The following APLP2 variants were observed in gnomAD, a reference collection of about 807,000 sequenced individuals.
The protein encoded by APLP2 is amyloid beta precursor like protein 2.
A neutral mutation model predicts 89.9 loss-of-function variants in APLP2; 53 were observed. The ratio of observed to expected loss-of-function variants is 0.59; its 90% CI spans 0.47 to 0.74. APLP2 has a LOEUF of 0.74. Ranked by LOEUF, APLP2 falls within the 30% of genes least tolerant of loss-of-function variation. APLP2 has a pLI of 0.00. For synonymous variants in APLP2, 372 were observed against 348.6 expected, an observed-to-expected ratio of 1.07 and a Z score of -0.75; for missense variants, 973 against 975.9, an observed-to-expected ratio of 1.00 and a Z score of 0.04.
intron 1 of APLP2, among the ~76,000 whole-genome samples, chr11:130,084,929 A>T (rs1482758162): frequency 1.3e-5 from 2 of 152,214 alleles, no homozygotes; most frequent in Non-Finnish European, 2.9e-5. Flanking sequence ...AGACTAAGAA[A>T]AACAGAAGAC....
intron 1 of APLP2, among the ~76,000 whole-genome samples, chr11:130,089,148 C>G (rs978153994): frequency 3.1e-4 from 47 of 152,190 alleles, no homozygotes; most frequent in Middle Eastern, 3.2e-3. Flanking sequence ...CCAATCCTTC[C>G]TTCATGTCCC....
At chr11:130,120,937 G>A (rs1949739693) in intron 4 of APLP2, 119 bp downstream of exon 4, 3 of 722,850 alleles carry the variant, frequency 4.2e-6, no homozygotes, top group East Asian at 2.7e-5. Flanking sequence ...ATCTCCTTAA[G>A]GTTTACAATT....
intron 1 of APLP2, among the ~76,000 whole-genome samples, chr11:130,072,531 AT>A (rs1471249681): frequency 2.1e-5 from 3 of 145,496 alleles, no homozygotes; most frequent in African/African-American, 7.7e-5. Context: ...CTGGAGTGCA[AT>A]GGTGGGATCT....
chr11:130,110,930 C>A (rs545679999), intron 3 of APLP2, among the ~76,000 whole-genome samples: 1 of 152,116 alleles, frequency 6.6e-6, no homozygotes, highest in Non-Finnish European at 1.5e-5. Context: ...TGCACTTACG[C>A]CCTCACATTG....
Position 130,110,680 on chromosome 11 carries a change from T to C in APLP2, c.403+19T>C. On this transcript the variant is annotated intron_variant, in intron 3 of 16. Transcript: ENST00000338167. Reference sequence around the variant, plus strand: ...TGTCTCGGTGAGTGTTCTTGGTTACTTTTCAGGAAGTGCCAGCCCCCTCCC... The same window carrying C: ...TGTCTCGGTGAGTGTTCTTGGTTACCTTTCAGGAAGTGCCAGCCCCCTCCC... 1 of 1,597,844 alleles carries C rather than the reference T, an allele frequency of 6.3e-7. No homozygotes were observed. The highest frequency in any genetic ancestry group is 8.5e-7 in the Non-Finnish European group (1 of 1,174,788).
At chr11:130,094,237 G>C (rs940375366) in intron 1 of APLP2, among the ~76,000 whole-genome samples, 1 of 151,482 alleles carries the variant, frequency 6.6e-6, no homozygotes, top group African/African-American at 2.4e-5. Context: ...AGTTTTAGTA[G>C]AGACGGGGTT....
chr11:130,104,767 T>A (rs1051890670), intron 1 of APLP2, among the ~76,000 whole-genome samples: 1 of 152,198 alleles, frequency 6.6e-6, no homozygotes, highest in African/African-American at 2.4e-5. Flanking sequence ...TGAATATTCG[T>A]TCCAGCAGGG....
In APLP2 at chr11:130,120,728, C is replaced by A. The variant is rs1358581093; in HGVS notation, c.426C>A (p.Val142=). ...KCLVGEFVSD[V]LLVPEKCQFF... is the part of the protein sequence containing the mutation. The stretch of plus-strand genomic sequence containing the variant: ...CAGTGGGTGAATTTGTAAGTGATGT[C>A]CTGCTAGTTCCAGAAAAGTGCCAGT... Residue 142 remains valine (V), a synonymous_variant, in exon 4 of 17, where the codon GTC becomes GTA. Transcript: ENST00000338167. The A allele has an allele frequency of 2.5e-6, 4 of 1,613,718 alleles. No homozygotes were observed. The Admixed American group carries it at 6.7e-5, about 27-fold the overall frequency.
chr11:130,085,445 C>A (rs1171184191), intron 1 of APLP2, among the ~76,000 whole-genome samples: 1 of 134,176 alleles, frequency 7.5e-6, no homozygotes, highest in African/African-American at 3.8e-5. Flanking sequence ...GAGCGAGACT[C>A]CATCTCAAAA....
At chr11:130,097,555 G>A (rs1159916444) in intron 1 of APLP2, among the ~76,000 whole-genome samples, 2 of 152,122 alleles carry the variant, frequency 1.3e-5, no homozygotes, top group African/African-American at 4.8e-5. Flanking sequence ...TAATTAGCCG[G>A]GTGTAGTGGT....
chr11:130,129,492 C>G (rs1950703656), intron 10 of APLP2, among the ~76,000 whole-genome samples: 1 of 152,122 alleles, frequency 6.6e-6, no homozygotes, highest in Non-Finnish European at 1.5e-5. Context: ...TATTGAACTT[C>G]CTTTCAAAGA....
chr11:130,089,731 T>C (rs1944629313), intron 1 of APLP2, among the ~76,000 whole-genome samples: 1 of 152,258 alleles, frequency 6.6e-6, no homozygotes, highest in Admixed American at 6.5e-5. Flanking sequence ...AGGACTGGAC[T>C]CCTTCTGAAG....
chr11:130,091,549 C>T (rs1945211648), intron 1 of APLP2, among the ~76,000 whole-genome samples: 1 of 144,520 alleles, frequency 6.9e-6, no homozygotes, highest in East Asian at 2.2e-4. Context: ...GGGGCTGACC[C>T]CCCCACCTCC....
At position 130,110,657 on chromosome 11, in the gene APLP2, T is replaced by C. The variant is rs759561514; in HGVS notation, c.399T>C (p.Cys133=). The change falls in exon 3 of 17, where the codon TGT becomes TGC. Residue 133 remains cysteine, a synonymous_variant. Coordinates refer to ENST00000338167, the MANE Select transcript of APLP2 (RefSeq NM_001142276.2). ...CKSRFVTPFK[C]LVGEFVSDVL... ...GTCGCTTTGTTACACCTTTCAAGTG[T>C]CTCGGTGAGTGTTCTTGGTTACTTT... The C allele has an allele frequency of 1.2e-6, 2 of 1,609,790 alleles. No homozygotes were observed. The highest frequency in any genetic ancestry group is 2.2e-5 in the South Asian group (2 of 90,712).
chr11:130,124,583 G>A (rs1247815196), intron 7 of APLP2, among the ~76,000 whole-genome samples: 1 of 152,222 alleles, frequency 6.6e-6, no homozygotes, highest in East Asian at 1.9e-4. Flanking sequence ...CCTCAGGCCA[G>A]ACAGTTTTTC....
chr11:130,108,913 G>T (rs1475519470), intron 1 of APLP2: 1 of 152,338 alleles, frequency 6.6e-6, no homozygotes. Context: ...CCTGGATGAA[G>T]CTGGAAAGCA....
At chr11:130,090,548 C>A (rs991427896) in intron 1 of APLP2, among the ~76,000 whole-genome samples, 6 of 152,020 alleles carry the variant, frequency 3.9e-5, no homozygotes, top group East Asian at 1.9e-4. Flanking sequence ...TGAGTGGACA[C>A]AGCACATGTT....
At chr11:130,109,874 C>A (rs546618272) in intron 2 of APLP2, 2 of 352,368 alleles carry the variant, frequency 5.7e-6, no homozygotes, top group South Asian at 1.6e-4. Context: ...TCTCATCCTC[C>A]CACTTGTCTT....
rs1950049938 is a variant in APLP2, at chr11:130,123,498, C to T, written c.923-114C>T. ...CTTTCGGCCACCGGGCCTCCAGGCT[C>T]CGTCCAGTCTCAGGCCTCCCCCAGC... On this transcript the variant is annotated intron_variant, in intron 6 of 16. Coordinates refer to ENST00000338167, the MANE Select transcript of APLP2 (RefSeq NM_001142276.2). The surrounding 1 kb of genome is among the most constrained non-coding windows in gnomAD (Gnocchi z 4.0). 5 of 1,173,530 alleles carry T rather than the reference C, an allele frequency of 4.3e-6. No individual in the cohort carries two copies. The highest frequency in any genetic ancestry group is 5.9e-6 in the Non-Finnish European group (5 of 848,806). The allele number at this position is 1,173,530 out of a possible 1,614,324, so 72.7% of individuals were successfully genotyped here.
Sources: gnomAD v4.1 joint callset for allele counts (sites outside exome capture counted in the v4.1 genomes callset) on GRCh38, gnomAD v4.1.1 for gene constraint, Gnocchi (gnomAD v3.1) non-coding constraint, MANE v1.5 for transcripts, NCBI Gene and HGNC (gene_info 2026-07-23, HGNC 2026-07-21) for gene names.